HMCN2: variants seen among roughly 807,000 people sequenced by gnomAD.
The protein encoded by HMCN2 is hemicentin-2.
A neutral mutation model predicts 377.5 loss-of-function variants in HMCN2; 325 were observed. The ratio of observed to expected loss-of-function variants is 0.86; its 90% CI spans 0.79 to 0.94. The LOEUF (loss-of-function observed/expected upper bound fraction) is 0.94. Ranked by LOEUF, HMCN2 falls within the 40% of genes least tolerant of loss-of-function variation. The pLI, the probability that HMCN2 is intolerant of heterozygous loss-of-function variation, is 0.00. For missense variants in HMCN2, 4,543 were observed against 4,725.3 expected (o/e 0.96, Z 1.13); for synonymous variants, 2,007 against 2,046.8 (o/e 0.98, Z 0.53).
intron 81 of HMCN2, among the ~76,000 whole-genome samples, chr9:130,405,268 C>G (rs1424325649): frequency 6.6e-6 from 1 of 152,224 alleles, no homozygotes; most frequent in Admixed American, 6.5e-5. Context: ...TGAACCTGGA[C>G]CTCGGTAGCC....
At chr9:130,327,887 A>G (rs1396507632) in intron 22 of HMCN2, among the ~76,000 whole-genome samples, 1 of 152,112 alleles carries the variant, frequency 6.6e-6, no homozygotes, top group Non-Finnish European at 1.5e-5. Context: ...TCTGCAGACC[A>G]GGTGTCTGGC....
At chr9:130,431,703 C>T (rs1275279516) in intron 96 of HMCN2, among the ~76,000 whole-genome samples, 6 of 152,198 alleles carry the variant, frequency 3.9e-5, no homozygotes, top group African/African-American at 1.2e-4. Flanking sequence ...TCTGAGATCA[C>T]GCGGGCAGGC....
chr9:130,407,594 G>A lies in HMCN2; in HGVS notation c.12577G>A (p.Gly4193Ser). 7.8e-7 allele frequency: 1 copy of A among 1,289,470 alleles called. No homozygotes were observed. The highest frequency in any genetic ancestry group is 1.0e-6 in the Non-Finnish European group (1 of 988,650). The allele number at this position is 1,289,470 out of a possible 1,614,324, so 79.9% of individuals were successfully genotyped here. The change falls in exon 83 of 98, where the codon GGC (glycine) becomes AGC (serine). Residue 4193 changes from glycine to serine, a missense_variant. This residue lies in a region of HMCN2 where 1,073 missense variants were observed against 1,319.5 expected (regional missense o/e 0.81). Coordinates refer to ENST00000683500, the MANE Select transcript of HMCN2 (RefSeq NM_001291815.2). ...AGAAGGGGTGTCTGAGCAGGATGGA[G>A]GCAGCACGCTGCAGCGGGCCGCTGT... ...VTEGVSEQDG[G>S]STLQRAAVSR...
At position 130,303,471 on chromosome 9, in the gene HMCN2, T is replaced by C. The variant is rs1554935278; in HGVS notation, c.1422-16T>C. 1 of 446,136 alleles carries C rather than the reference T, an allele frequency of 2.2e-6. No homozygotes were observed. Among genetic ancestry groups the C allele is most frequent in the Non-Finnish European group, 4.7e-6 (1 of 212,542 alleles). The allele number at this position is 446,136 out of a possible 1,614,324, so 27.6% of individuals were successfully genotyped here. A position where few individuals can be genotyped will look rare whatever the true frequency, so the allele number is the denominator to read the frequency against. On this transcript the variant is annotated splice_polypyrimidine_tract_variant and intron_variant, in intron 9 of 97. Coordinates refer to ENST00000683500, the MANE Select transcript of HMCN2 (RefSeq NM_001291815.2). This position sits in a 1 kb window ranked among gnomAD's most constrained non-coding sequence, Gnocchi z 5.2. Reference sequence around the variant, plus strand: ...GTCAGTGTGATTGTGTGTCTCCCACTGTTCCCTGTTTGCAGGGAGTCGGGA... The same window carrying C: ...GTCAGTGTGATTGTGTGTCTCCCACCGTTCCCTGTTTGCAGGGAGTCGGGA...
Position 130,303,432 on chromosome 9 carries a change from G to T in HMCN2, c.1422-55G>T, listed in dbSNP as rs782199832. On this transcript the variant is annotated intron_variant, in intron 9 of 97. Coordinates refer to ENST00000683500, the MANE Select transcript of HMCN2 (RefSeq NM_001291815.2). This position sits in a 1 kb window ranked among gnomAD's most constrained non-coding sequence, Gnocchi z 5.2. ...GATTCAGGGGACTGAAGTCGGGGGG[G>T]ACCCTGAGTGGGGGTCAGTGTGATT... 30 of 381,214 alleles carry T rather than the reference G, an allele frequency of 7.9e-5. No individual in the cohort carries two copies. The highest frequency in any genetic ancestry group is 1.3e-4 in the Non-Finnish European group (23 of 178,292). 23.6% of individuals were successfully genotyped at this position (381,214 alleles called of 1,614,324 possible). A position where few individuals can be genotyped will look rare whatever the true frequency, so the allele number is the denominator to read the frequency against.
At chr9:130,356,363 T>C in intron 34 of HMCN2, 106 bp downstream of exon 34, 1 of 1,106,212 alleles carries the variant, frequency 9.0e-7, no homozygotes, top group Non-Finnish European at 1.2e-6. Flanking sequence ...TGGTCTTTGC[T>C]GGATGGCGTT....
Position 130,371,084 on chromosome 9 carries a change from G to A in HMCN2, c.7190G>A (p.Arg2397Gln), listed in dbSNP as rs561900977. The A allele has an allele frequency of 3.0e-6, 3 of 985,670 alleles. No homozygotes were observed. Among genetic ancestry groups the A allele is most frequent in the South Asian group, 4.7e-5 (1 of 21,166 alleles). 61.1% of individuals were successfully genotyped at this position (985,670 alleles called of 1,614,324 possible). Residue 2397 changes from arginine to glutamine, a missense_variant, in exon 46 of 98, where the codon CGA becomes CAA. Arg to Gln is a conservative substitution (Grantham distance 43). Around this residue, in one of 5 missense-constraint regions of HMCN2, gnomAD observed 1,032 missense variants for 1,285.1 expected, o/e 0.80. Coordinates refer to ENST00000683500, the MANE Select transcript of HMCN2 (RefSeq NM_001291815.2). ...CCACCTCCAGCCATCCGCTGGTTCC[G>A]AGGGGAGGAGCCTGTCAGCCCCGGG... ...GIPPPAIRWF[R>Q]GEEPVSPGED...
At chr9:130,425,239 CT>C (rs1844261286) in intron 89 of HMCN2, 109 bp downstream of exon 89, 1 of 1,265,610 alleles carries the variant, frequency 7.9e-7, no homozygotes, top group African/African-American at 1.5e-5. Flanking sequence ...TCTGACAGCG[CT>C]GCAGGGCTGG....
At chr9:130,301,934 G>A (rs1564763738) in intron 8 of HMCN2, among the ~76,000 whole-genome samples, 1 of 152,240 alleles carries the variant, frequency 6.6e-6, no homozygotes, top group African/African-American at 2.4e-5. Flanking sequence ...GACCAGGCTC[G>A]GGCCAGGGAG....
rs190268852 is a variant in HMCN2, at chr9:130,267,324, G to A, written c.259+1187G>A. ...ATACATGGAACCGCCTATGCCCACCGAGAGCCTCTGAGTCATATTTTGCTT... is the reference window on the plus strand; with the variant it reads ...ATACATGGAACCGCCTATGCCCACCAAGAGCCTCTGAGTCATATTTTGCTT... On this transcript the variant is annotated intron_variant, in intron 1 of 97. Coordinates refer to ENST00000683500, the MANE Select transcript of HMCN2 (RefSeq NM_001291815.2). Among the ~76,000 whole-genome samples the A allele has an allele frequency of 1.6e-3, 237 of 151,018 alleles. 1 individual carries two copies. Among genetic ancestry groups the A allele is most frequent in the Non-Finnish European group, 2.5e-3 (170 of 67,854 alleles).
Position 130,285,338 on chromosome 9 carries a change from G to T in HMCN2, c.489+22G>T, listed in dbSNP as rs782041398. On this transcript the variant is annotated intron_variant, in intron 3 of 97. Transcript: ENST00000683500. ...ACAGGTGGGTGAGCCGGCTGTGGGG[G>T]CCCAAAGTGGGGTCCCCCGGGGGTC... The T allele has an allele frequency of 2.6e-5, 12 of 470,240 alleles. 1 individual carries two copies. In the Middle Eastern group the frequency reaches 9.9e-4, roughly 39 times the overall value. 29.1% of individuals were successfully genotyped at this position (470,240 alleles called of 1,614,324 possible).
intron 22 of HMCN2, among the ~76,000 whole-genome samples, chr9:130,331,030 C>G (rs1341325723): frequency 6.7e-6 from 1 of 150,262 alleles, no homozygotes; most frequent in Non-Finnish European, 1.5e-5. Context: ...TGGTGGTGCG[C>G]GCCTGTAGTC....
chr9:130,354,753 T>C lies in HMCN2; in HGVS notation c.4865-10T>C. ...TGTGGTCCCCAAGCCGCCCCCTGCC[T>C]CTTTTCCAGTCCCACCTACCATCGA... On this transcript the variant is annotated splice_polypyrimidine_tract_variant and intron_variant, in intron 31 of 97. Coordinates refer to ENST00000683500, the MANE Select transcript of HMCN2 (RefSeq NM_001291815.2). The C allele has an allele frequency of 7.7e-7, 1 of 1,290,614 alleles. No individual in the cohort carries two copies. 79.9% of individuals were successfully genotyped at this position (1,290,614 alleles called of 1,614,324 possible).
At chr9:130,326,922 G>A (rs1423798997) in intron 21 of HMCN2, among the ~76,000 whole-genome samples, 3 of 152,138 alleles carry the variant, frequency 2.0e-5, no homozygotes, top group African/African-American at 7.2e-5. Context: ...CTGATATCAT[G>A]GGAATAAGTG....
chr9:130,355,039 T>C lies in HMCN2; in HGVS notation c.5141T>C (p.Val1714Ala). ...GEAVLQYSVE[V>A]QVPPQLLVAE... Reference sequence around the variant, plus strand: ...GCCGTCCTGCAGTACTCCGTGGAGGTTCAGGGTGAGCCCGGCCCACCCCAC... The same window carrying C: ...GCCGTCCTGCAGTACTCCGTGGAGGCTCAGGGTGAGCCCGGCCCACCCCAC... Residue 1714 changes from valine to alanine, a missense_variant, in exon 32 of 98, where the codon GTT becomes GCT. Coordinates refer to ENST00000683500, the MANE Select transcript of HMCN2 (RefSeq NM_001291815.2). The C allele has an allele frequency of 7.8e-7, 1 of 1,277,920 alleles. No individual in the cohort carries two copies. Among genetic ancestry groups the C allele is most frequent in the South Asian group, 1.2e-5 (1 of 80,176 alleles). 79.2% of individuals were successfully genotyped at this position (1,277,920 alleles called of 1,614,324 possible).
intron 4 of HMCN2, among the ~76,000 whole-genome samples, chr9:130,286,710 C>G (rs1835432497): frequency 1.3e-5 from 2 of 152,222 alleles, no homozygotes; most frequent in Non-Finnish European, 2.9e-5. Flanking sequence ...TCCCCAGAGT[C>G]AGGGAACCTG....
Position 130,294,961 on chromosome 9 carries a change from G to C in HMCN2, c.719G>C (p.Ser240Thr). The C allele has an allele frequency of 2.1e-6, 1 of 471,046 alleles. No individual in the cohort carries two copies. The highest frequency in any genetic ancestry group is 1.6e-5 in the South Asian group (1 of 64,516). The allele number at this position is 471,046 out of a possible 1,614,324, so 29.2% of individuals were successfully genotyped here. A position where few individuals can be genotyped will look rare whatever the true frequency, so the allele number is the denominator to read the frequency against. The change falls in exon 5 of 98, where the codon AGC becomes ACC. Residue 240 changes from serine to threonine, a missense_variant. Physicochemically the swap from Ser to Thr is moderately conservative, Grantham distance 58. This residue lies in a region of HMCN2 where 547 missense variants were observed against 189.9 expected (regional missense o/e 2.88). Coordinates refer to ENST00000683500, the MANE Select transcript of HMCN2 (RefSeq NM_001291815.2). ...ACATGGAGACTCCCCTTTGACCCCA[G>C]CCTGAAGGAGGTCACCATCTCATTG... Reference protein sequence around the residue: ...EHTWRLPFDPSLKEVTISLSG... With the variant: ...EHTWRLPFDPTLKEVTISLSG...
intron 48 of HMCN2, among the ~76,000 whole-genome samples, chr9:130,373,875 G>GAT (rs1841221727): frequency 1.5e-5 from 2 of 129,586 alleles, no homozygotes; most frequent in Non-Finnish European, 3.4e-5. Flanking sequence ...TGTGTGGATG[G>GAT]GTGCATGGAT....
intron 15 of HMCN2, among the ~76,000 whole-genome samples, chr9:130,313,906 A>C (rs1166756167): frequency 2.0e-5 from 3 of 150,852 alleles, no homozygotes; most frequent in Admixed American, 6.6e-5. Context: ...CAGCCTCCCA[A>C]GTAGCTGGGA....
Sources: allele counts gnomAD v4.1 joint callset (sites outside exome capture counted in the v4.1 genomes callset), GRCh38; gene constraint gnomAD v4.1.1; regional missense constraint gnomAD v4.1.1; non-coding constraint Gnocchi (gnomAD v3.1); transcripts MANE v1.5; gene names NCBI Gene and HGNC (gene_info 2026-07-23, HGNC 2026-07-21).